The following STK32A variants were observed in gnomAD, a reference collection of about 807,000 sequenced individuals.
STK32A encodes the protein serine/threonine kinase 32A.
STK32A carries 41 observed loss-of-function variants against 53.2 expected under a neutral mutation model. The ratio of observed to expected loss-of-function variants is 0.77; its 90% CI spans 0.60 to 1.00. STK32A has a LOEUF of 1.00. Among genes scored for constraint, STK32A ranks in the 50% least tolerant of loss-of-function variants. The pLI is 0.00. For missense variants in STK32A, 458 were observed against 485.8 expected (o/e 0.94, Z 0.54); for synonymous variants, 166 against 162.8 (o/e 1.02, Z -0.15).
Position 147,301,887 on chromosome 5 carries a change from G to A in STK32A, c.261-22011G>A, listed in dbSNP as rs138546525. On this transcript the variant is annotated intron_variant, in intron 4 of 12. Transcript: ENST00000397936. ...GCTTCTTGAGGCTGCCTGTATTCTC[G>A]GCTTGTGGCCCCTTCCTTTATCTTC... is the stretch of plus-strand genomic sequence containing the variant. 7.1e-4 allele frequency among the ~76,000 whole-genome samples: 108 copies of A among 152,122 alleles called. 1 individual carries two copies. Among genetic ancestry groups the A allele is most frequent in the African/African-American group, 2.2e-3 (93 of 41,504 alleles).
At chr5:147,242,748 C>T (rs946330267) in intron 2 of STK32A, among the ~76,000 whole-genome samples, 4 of 152,192 alleles carry the variant, frequency 2.6e-5, no homozygotes, top group African/African-American at 9.6e-5. Flanking sequence ...GCCATGTTAA[C>T]TTATTTCTTC....
At position 147,383,962 on chromosome 5, in the gene STK32A, T is replaced by C; in HGVS notation, c.1170T>C (p.Asp390=). ...LEQTKDPQGE[D]GQNNNL is the part of the protein sequence containing the mutation. ...AAACCAAAGACCCACAAGGTGAGGA[T>C]GGTCAGAATAACAACTTGTAAAGGC... The change falls in exon 13 of 13, where the codon GAT becomes GAC. Residue 390 remains aspartate, a synonymous_variant. Transcript: ENST00000397936. 6.2e-7 allele frequency: 1 copy of C among 1,607,510 alleles called. No homozygotes were observed. Among genetic ancestry groups the C allele is most frequent in the Non-Finnish European group, 8.5e-7 (1 of 1,177,986 alleles).
chr5:147,398,950 T>G, the STK32A span: 2 of 1,259,428 alleles, frequency 1.6e-6, no homozygotes, highest in East Asian at 4.8e-5. Flanking sequence ...CCACTGAGAT[T>G]TAGGGGATGG....
intron 4 of STK32A, among the ~76,000 whole-genome samples, chr5:147,294,386 C>T (rs1185343262): frequency 1.3e-5 from 2 of 152,084 alleles, no homozygotes; most frequent in East Asian, 1.9e-4. Flanking sequence ...CTCAGCCTCC[C>T]GAGTAGCTGA....
intron 5 of STK32A, among the ~76,000 whole-genome samples, chr5:147,332,859 C>T (rs187504538): frequency 6.6e-6 from 1 of 152,154 alleles, no homozygotes; most frequent in African/African-American, 2.4e-5. Context: ...GTGTTGTATG[C>T]ATCAAGCAGT....
At chr5:147,365,345 C>T (rs960778975) in intron 8 of STK32A, among the ~76,000 whole-genome samples, 4 of 152,148 alleles carry the variant, frequency 2.6e-5, no homozygotes, top group Admixed American at 6.5e-5. Flanking sequence ...TGTACTCCTG[C>T]CTTTCCTGAG....
chr5:147,309,006 C>T (rs1448476327), intron 4 of STK32A, among the ~76,000 whole-genome samples: 5 of 148,730 alleles, frequency 3.4e-5, no homozygotes, highest in African/African-American at 7.4e-5. Context: ...ATATATATTC[C>T]TACATATATT....
At chr5:147,336,373 G>A (rs991450831) in intron 5 of STK32A, among the ~76,000 whole-genome samples, 1 of 150,522 alleles carries the variant, frequency 6.6e-6, no homozygotes, top group Non-Finnish European at 1.5e-5. Flanking sequence ...AGCAACTGAA[G>A]TGCTAACTCC....
At chr5:147,292,598 T>G (rs11952303) in intron 4 of STK32A, among the ~76,000 whole-genome samples, 50,768 of 152,090 alleles carry the variant, frequency 0.33, 8,862 homozygotes, top group South Asian at 0.6. Flanking sequence ...GCCAGGTGCA[T>G]TGGCTGATGC....
At chr5:147,363,827 T>C (rs1756624989) in intron 8 of STK32A, among the ~76,000 whole-genome samples, 1 of 152,206 alleles carries the variant, frequency 6.6e-6, no homozygotes, top group Non-Finnish European at 1.5e-5. Context: ...TGCTTTTTGC[T>C]TAATTATTTT....
At chr5:147,288,812 G>T (rs776522063) in intron 4 of STK32A, among the ~76,000 whole-genome samples, 6 of 152,054 alleles carry the variant, frequency 3.9e-5, no homozygotes, top group African/African-American at 1.2e-4. Context: ...ATTTGGGTGG[G>T]GATAGAGATG....
intron 5 of STK32A, 159 bp from the exon 6 acceptor site, chr5:147,342,847 T>C (rs1242888997): frequency 2.3e-5 from 14 of 609,788 alleles, no homozygotes; most frequent in South Asian, 1.8e-4. Flanking sequence ...GGATTTTCTG[T>C]CTCATAAATT....
At chr5:147,401,629 C>A in the STK32A span, 1 of 1,614,158 alleles carries the variant, frequency 6.2e-7, no homozygotes, top group African/African-American at 1.3e-5. Flanking sequence ...TGGCCCAGTT[C>A]TTGCTCCAAT....
At chr5:147,352,261 G>T (rs1454114500) in intron 7 of STK32A, among the ~76,000 whole-genome samples, 2 of 152,196 alleles carry the variant, frequency 1.3e-5, no homozygotes, top group African/African-American at 4.8e-5. Flanking sequence ...AGGAAATTCT[G>T]CCTCAGAAAG....
Position 147,343,723 on chromosome 5 carries a change from C to T in STK32A, c.472+680C>T, listed in dbSNP as rs145501410. 5.0e-3 allele frequency among the ~76,000 whole-genome samples: 758 copies of T among 152,274 alleles called. 4 individuals carry two copies. Among genetic ancestry groups the T allele is most frequent in the Non-Finnish European group, 7.7e-3 (522 of 68,032 alleles). On this transcript the variant is annotated intron_variant, in intron 6 of 12. Coordinates refer to ENST00000397936, the MANE Select transcript of STK32A (RefSeq NM_001112724.2). ...TGGAACTGCTTCATCTTGTTTTATG[C>T]GGCTTTGTCTATGCTGGCACATAAC...
chr5:147,276,764 C>G (rs556158617), intron 2 of STK32A, among the ~76,000 whole-genome samples: 16 of 152,116 alleles, frequency 1.1e-4, no homozygotes, highest in Non-Finnish European at 2.1e-4. Flanking sequence ...CCTTGAGTAA[C>G]TATGTTAAGT....
At chr5:147,253,802 C>T (rs907027049) in intron 2 of STK32A, among the ~76,000 whole-genome samples, 2 of 152,160 alleles carry the variant, frequency 1.3e-5, no homozygotes, top group Middle Eastern at 3.2e-3. Flanking sequence ...CATGCCAGAG[C>T]TTTTGCTTAT....
At chr5:147,278,567 G>A (rs568505014) in intron 3 of STK32A, among the ~76,000 whole-genome samples, 48 of 152,192 alleles carry the variant, frequency 3.2e-4, no homozygotes, top group Non-Finnish European at 5.4e-4. Flanking sequence ...GAAGTCACCC[G>A]ATTTCTATTT....
intron 7 of STK32A, among the ~76,000 whole-genome samples, chr5:147,358,454 A>G (rs1581134678): frequency 6.6e-6 from 1 of 152,202 alleles, no homozygotes; most frequent in Admixed American, 6.5e-5. Context: ...AGAGATATGC[A>G]CTTATAGGAA....
Sources: gnomAD v4.1 joint callset for allele counts (sites outside exome capture counted in the v4.1 genomes callset) on GRCh38, gnomAD v4.1.1 for gene constraint, MANE v1.5 for transcripts, NCBI Gene and HGNC (gene_info 2026-07-23, HGNC 2026-07-21) for gene names.